The following TECPR2 variants were observed in gnomAD, a reference collection of about 807,000 sequenced individuals.
TECPR2 encodes the protein tectonin beta-propeller repeat containing 2, also known as tectonin beta-propeller repeat-containing protein 2.
In TECPR2, 65 loss-of-function variants were observed where a neutral mutation model predicts 138.1. The observed-to-expected ratio is 0.47, with a 90% CI of 0.39 to 0.58. The LOEUF is 0.58. TECPR2 is among the 20% of genes least tolerant of loss of function. The probability of loss-of-function intolerance (pLI) is 0.00; values close to 1 mark genes in which losing one functional copy is unlikely to be tolerated. For missense variants in TECPR2, 1,553 were observed against 1,824.5 expected (o/e 0.85, Z 2.71); for synonymous variants, 746 against 749.8 (o/e 0.99, Z 0.08).
chr14:102,377,630 T>C (rs920951315), intron 2 of TECPR2, among the ~76,000 whole-genome samples: 3 of 152,076 alleles, frequency 2.0e-5, no homozygotes, highest in African/African-American at 7.2e-5. Context: ...TGCTTGAACC[T>C]GGGAGATGGA....
At chr14:102,453,429 G>C (rs369609720) in intron 16 of TECPR2, among the ~76,000 whole-genome samples, 4 of 151,696 alleles carry the variant, frequency 2.6e-5, no homozygotes, top group African/African-American at 9.7e-5. Context: ...GCAGTGAGCC[G>C]AGATCATGCC....
chr14:102,491,083 G>C (rs147893912), intron 17 of TECPR2, among the ~76,000 whole-genome samples: 1 of 151,306 alleles, frequency 6.6e-6, no homozygotes, highest in East Asian at 2.0e-4. Context: ...TAGTAGAGAT[G>C]GGGTTTCATC....
intron 1 of TECPR2, 21 bp downstream of exon 1, chr14:102,363,137 A>C (rs1887226034): frequency 2.7e-6 from 1 of 367,626 alleles, no homozygotes; most frequent in South Asian, 9.7e-5. Flanking sequence ...CGACGCCGCA[A>C]GCGGCCCCGA....
chr14:102,497,111 C>G lies in TECPR2; in HGVS notation c.3922C>G (p.His1308Asp). 1 of 1,611,288 alleles carries G rather than the reference C, an allele frequency of 6.2e-7. No individual in the cohort carries two copies. The highest frequency in any genetic ancestry group is 8.5e-7 in the Non-Finnish European group (1 of 1,179,834). ...EEMPVGTAWEHVPGLQACQLA... is the reference protein window; with the variant it reads ...EEMPVGTAWEDVPGLQACQLA... ...GATGCCTGTGGGGACCGCCTGGGAG[C>G]ATGTGCCAGGTAGGAGCCTGCAGAC... is the stretch of plus-strand genomic sequence containing the variant. The change falls in exon 18 of 20, where the codon CAT becomes GAT. Residue 1308 changes from histidine to aspartate, a missense_variant. Physicochemically the swap from His to Asp is moderately conservative, Grantham distance 81. Coordinates refer to ENST00000359520, the MANE Select transcript of TECPR2 (RefSeq NM_014844.5).
chr14:102,463,094 A>G (rs1890448454), intron 16 of TECPR2, among the ~76,000 whole-genome samples: 1 of 152,220 alleles, frequency 6.6e-6, no homozygotes, highest in South Asian at 2.1e-4. Flanking sequence ...TGTGGAGCAC[A>G]GGATCTCCAT....
At chr14:102,491,189 C>T (rs1446687095) in intron 17 of TECPR2, among the ~76,000 whole-genome samples, 1 of 152,136 alleles carries the variant, frequency 6.6e-6, no homozygotes, top group Non-Finnish European at 1.5e-5. Flanking sequence ...CCACCGCGCT[C>T]AGCCCACATC....
chr14:102,468,126 G>C (rs558607252), intron 17 of TECPR2, among the ~76,000 whole-genome samples: 1 of 151,984 alleles, frequency 6.6e-6, no homozygotes. Context: ...GATTACAGGC[G>C]TGTGCCACCA....
chr14:102,403,372 AC>A lies in TECPR2; in HGVS notation c.220-3965del, dbSNP rs539316012. Among the ~76,000 whole-genome samples, 11 of 152,332 alleles carry A rather than the reference AC, an allele frequency of 7.2e-5. 1 individual carries two copies. In the East Asian group the frequency reaches 1.9e-3, roughly 27 times the overall value. ...AACACTCAACAAACTGGGAATAGAA[AC>A]TACCCCAACATAATAAAAGCCATAT... On this transcript the variant is annotated intron_variant, in intron 2 of 19. Coordinates refer to ENST00000359520, the MANE Select transcript of TECPR2 (RefSeq NM_014844.5).
chr14:102,468,952 T>G (rs1389959775), intron 17 of TECPR2, among the ~76,000 whole-genome samples: 1 of 152,250 alleles, frequency 6.6e-6, no homozygotes, highest in Non-Finnish European at 1.5e-5. Flanking sequence ...CTTAGTTATA[T>G]CCCAGTGATC....
rs185677958 is a variant in TECPR2 at position 102,404,531 on chromosome 14, G to A, written c.220-2807G>A. 3.2e-3 allele frequency among the ~76,000 whole-genome samples: 481 copies of A among 151,712 alleles called. 4 individuals carry two copies. Among genetic ancestry groups the A allele is most frequent in the African/African-American group, 0.011 (468 of 41,428 alleles). ...ATACATAAAAATAGACATAGAGACCGATGAAATCAATAGCCCAGAAATAAA... is the reference window on the plus strand; with the variant it reads ...ATACATAAAAATAGACATAGAGACCAATGAAATCAATAGCCCAGAAATAAA... On this transcript the variant is annotated intron_variant, in intron 2 of 19. Coordinates refer to ENST00000359520, the MANE Select transcript of TECPR2 (RefSeq NM_014844.5).
rs141333287 is a variant in TECPR2 at position 102,448,642 on chromosome 14, G to A, written c.3076-987G>A. Among the ~76,000 whole-genome samples, 115 of 152,202 alleles carry A rather than the reference G, an allele frequency of 7.6e-4. 4 individuals carry two copies. In the East Asian group the frequency reaches 0.018, roughly 24 times the overall value. On this transcript the variant is annotated intron_variant, in intron 13 of 19. Transcript: ENST00000359520. ...GCACTTTGGGAGGCCTGGGCGGGCG[G>A]ATCACCTGAGGTCAGGAGTTCAAGA...
Position 102,434,531 on chromosome 14 carries a change from C to G in TECPR2, c.1714C>G (p.His572Asp), listed in dbSNP as rs144248236. 46 of 1,555,342 alleles carry G rather than the reference C, an allele frequency of 3.0e-5. No homozygotes were observed. The highest frequency in any genetic ancestry group is 2.5e-5 in the South Asian group (2 of 81,494). ...AGATGACATTAGAACTGAAATGCCA[C>G]ACTGTCACCATGCACATGGGCGGGA... ...EEDDIRTEMPHCHHAHGRELL... is the reference protein window; with the variant it reads ...EEDDIRTEMPDCHHAHGRELL... Residue 572 changes from histidine to aspartate, a missense_variant, in exon 9 of 20, where the codon CAC becomes GAC. His to Asp is a moderately conservative substitution (Grantham distance 81). Transcript: ENST00000359520.
chr14:102,367,028 A>C (rs2139645736), intron 1 of TECPR2, among the ~76,000 whole-genome samples: 1 of 152,296 alleles, frequency 6.6e-6, no homozygotes, highest in South Asian at 2.1e-4. Flanking sequence ...TAATTATGAC[A>C]CCTGAGTGGG....
At chr14:102,372,940 G>A (rs1348983653) in intron 1 of TECPR2, among the ~76,000 whole-genome samples, 1 of 152,028 alleles carries the variant, frequency 6.6e-6, no homozygotes. Context: ...TTTTGATAGT[G>A]AGCATTTATA....
In TECPR2 at chr14:102,408,615, A is replaced by G. The variant is rs1281108309; in HGVS notation, c.476A>G (p.Asp159Gly). 6.2e-7 allele frequency: 1 copy of G among 1,602,400 alleles called. No individual in the cohort carries two copies. ...ATTGTTTATTCTTCTCTGGATCTAGACCAGGTAAAATTATTTTCAGAAATA... is the reference window on the plus strand; with the variant it reads ...ATTGTTTATTCTTCTCTGGATCTAGGCCAGGTAAAATTATTTTCAGAAATA... ...GKIVYSSLDL[D>G]QGLCNSQLVL... The change falls in exon 4 of 20, where the codon GAC (aspartate) becomes GGC (glycine). Residue 159 changes from aspartate (D) to glycine (G), a missense_variant. Transcript: ENST00000359520.
chr14:102,371,015 G>A (rs757328846), intron 1 of TECPR2, among the ~76,000 whole-genome samples: 1 of 152,218 alleles, frequency 6.6e-6, no homozygotes, highest in Non-Finnish European at 1.5e-5. Context: ...TAGGATGTAA[G>A]TTTTACTAAT....
rs1425276715 is a variant in TECPR2 at position 102,411,344 on chromosome 14, G to GTA, written c.480+2728_480+2729dup. Among the ~76,000 whole-genome samples the GTA allele has an allele frequency of 2.0e-5, 3 of 152,330 alleles. No individual in the cohort carries two copies. In the East Asian group the frequency reaches 5.8e-4, roughly 29 times the overall value. On this transcript the variant is annotated intron_variant, in intron 4 of 19. Coordinates refer to ENST00000359520, the MANE Select transcript of TECPR2 (RefSeq NM_014844.5). ...CACATCCCCTGTGACTTCCACGTAC[G>GTA]TATACGCCCAGATGGCCTGAAGTAA...
chr14:102,400,048 C>CT lies in TECPR2; in HGVS notation c.220-7274dup, dbSNP rs992365072. 6.7e-3 allele frequency among the ~76,000 whole-genome samples: 557 copies of CT among 83,340 alleles called. 1 individual carries two copies. The highest frequency in any genetic ancestry group is 0.017 in the African/African-American group (396 of 23,904). 54.7% of individuals were successfully genotyped at this position (83,340 alleles called of 152,430 possible). On this transcript the variant is annotated intron_variant, in intron 2 of 19. Transcript: ENST00000359520. ...GTGAATCCACATTTTCTTTTCTTTT[C>CT]TTTTTTTTTTTTTTTTAGATGGTGT...
Position 102,445,951 on chromosome 14 carries a change from G to A in TECPR2, c.3075+4G>A, listed in dbSNP as rs1291728273. The A allele has an allele frequency of 6.2e-7, 1 of 1,613,524 alleles. No individual in the cohort carries two copies. The highest frequency in any genetic ancestry group is 1.7e-5 in the Admixed American group (1 of 59,950). On this transcript the variant is annotated splice_donor_region_variant and intron_variant, in intron 13 of 19. Transcript: ENST00000359520. Reference sequence around the variant, plus strand: ...AGATGACGACCATTGGTGGCAAGTAGGTGTTCAGCTCTGCGCCACGTGCCG... The same window carrying A: ...AGATGACGACCATTGGTGGCAAGTAAGTGTTCAGCTCTGCGCCACGTGCCG...
Sources: gnomAD v4.1 joint callset for allele counts (sites outside exome capture counted in the v4.1 genomes callset) on GRCh38, gnomAD v4.1.1 for gene constraint, MANE v1.5 for transcripts, NCBI Gene and HGNC (gene_info 2026-07-23, HGNC 2026-07-21) for gene names.